The following GABRA4 variants were observed in gnomAD, a reference collection of about 807,000 sequenced individuals.
The protein encoded by GABRA4 is gamma-aminobutyric acid type A receptor subunit alpha4, also known as gamma-aminobutyric acid receptor subunit alpha-4.
GABRA4 carries 12 observed loss-of-function variants against 49.7 expected under a neutral mutation model. That is an observed-to-expected ratio of 0.24 (90% CI 0.15 to 0.39). The LOEUF is 0.39. Among genes scored for constraint, GABRA4 ranks in the 10% least tolerant of loss-of-function variants. GABRA4 has a pLI of 1.00. For synonymous variants in GABRA4, 288 were observed against 240.2 expected, an observed-to-expected ratio of 1.20 and a Z score of -1.84; for missense variants, 506 against 686.0, an observed-to-expected ratio of 0.74 and a Z score of 2.93.
Position 46,978,709 on chromosome 4 carries a change from A to T in GABRA4, c.273+322T>A, listed in dbSNP as rs1373017955. 2.0e-5 allele frequency among the ~76,000 whole-genome samples: 3 copies of T among 148,922 alleles called. No homozygotes were observed. In the South Asian group the frequency reaches 6.3e-4, roughly 31 times the overall value. On this transcript the variant is annotated intron_variant, in intron 3 of 8. Transcript: ENST00000264318. ...TCTCAAAAAAAAAAAAAAAAAAAAA[A>T]AAAAGAAAAAGAAAGAAAGAAAAGA... is the stretch of plus-strand genomic sequence containing the variant.
At chr4:46,936,411 G>A (rs777655695) in intron 8 of GABRA4, among the ~76,000 whole-genome samples, 4 of 152,048 alleles carry the variant, frequency 2.6e-5, no homozygotes, top group Non-Finnish European at 4.4e-5. Context: ...CACCACACCC[G>A]GCTAATTTTG....
At chr4:46,977,250 GGGAAGAAAAGGAAGGAAGGAAGGGAA>G in intron 4 of GABRA4, 107 bp from the exon 5 acceptor site, 1 of 561,486 alleles carries the variant, frequency 1.8e-6, no homozygotes, top group Non-Finnish European at 2.9e-6. Context: ...GAAGAAGGGA[GGGAAGAAAAGGAAGGAAGGAAGGGAA>G]GGAGGAAGGG....
intron 8 of GABRA4, among the ~76,000 whole-genome samples, chr4:46,934,512 C>T (rs1278388373): frequency 6.6e-6 from 1 of 152,052 alleles, no homozygotes; most frequent in Non-Finnish European, 1.5e-5. Context: ...TGCTGAGTTC[C>T]CTATTTATTG....
chr4:46,982,062 CT>C (rs1363597151), intron 2 of GABRA4, among the ~76,000 whole-genome samples: 1 of 152,082 alleles, frequency 6.6e-6, no homozygotes, highest in Non-Finnish European at 1.5e-5. Context: ...ACACCTACCC[CT>C]GAACTCGTAT....
chr4:46,920,195 C>A lies in GABRA4; in HGVS notation c.*8030G>T, dbSNP rs1720932398. ...TTATCAGAGCTTCTTTTACTTCCCT[C>A]TAAGGAAGCTGTTTTCTATGGACTT... On this transcript the variant is annotated 3_prime_UTR_variant, in exon 9 of 9. Coordinates refer to ENST00000264318, the MANE Select transcript of GABRA4 (RefSeq NM_000809.4). 6.6e-6 allele frequency: 1 copy of A among 151,630 alleles called. No individual in the cohort carries two copies. Among genetic ancestry groups the A allele is most frequent in the Admixed American group, 6.6e-5 (1 of 15,200 alleles). 9.4% of individuals were successfully genotyped at this position (151,630 alleles called of 1,614,324 possible).
intron 3 of GABRA4, among the ~76,000 whole-genome samples, chr4:46,978,702 A>AAG (rs1553906016): frequency 2.7e-5 from 4 of 149,822 alleles, no homozygotes; most frequent in Non-Finnish European, 5.9e-5. Context: ...AAAAAAAAAA[A>AAG]AAAAAAAAAA....
At chr4:46,940,760 G>A (rs1394193813) in intron 8 of GABRA4, among the ~76,000 whole-genome samples, 1 of 151,420 alleles carries the variant, frequency 6.6e-6, no homozygotes, top group African/African-American at 2.4e-5. Flanking sequence ...AATTGCTGAA[G>A]CCATTTGGCT....
chr4:46,990,998 G>A (rs1341990268), intron 2 of GABRA4, among the ~76,000 whole-genome samples: 1 of 152,120 alleles, frequency 6.6e-6, no homozygotes, highest in Non-Finnish European at 1.5e-5. Flanking sequence ...GGCCAACATG[G>A]TGAAACCCCA....
chr4:46,986,679 T>C (rs1723552228), intron 2 of GABRA4, among the ~76,000 whole-genome samples: 1 of 152,106 alleles, frequency 6.6e-6, no homozygotes, highest in Non-Finnish European at 1.5e-5. Flanking sequence ...TCATGATCCC[T>C]GAATTTCAGG....
intron 7 of GABRA4, among the ~76,000 whole-genome samples, chr4:46,966,964 G>A (rs1722784541): frequency 6.6e-6 from 1 of 151,740 alleles, no homozygotes; most frequent in East Asian, 1.9e-4. Context: ...AGGGACCTTG[G>A]AACATTTAGG....
In GABRA4 at chr4:46,920,608, T is replaced by C. The variant is rs1414015530; in HGVS notation, c.*7617A>G. On this transcript the variant is annotated 3_prime_UTR_variant, in exon 9 of 9. Coordinates refer to ENST00000264318, the MANE Select transcript of GABRA4 (RefSeq NM_000809.4). ...TCAAATTGTGTAAATCCACATTATC[T>C]CCATATTTTACATTCTATTTTGCTG... The C allele has an allele frequency of 1.3e-5, 2 of 151,724 alleles. No homozygotes were observed. The highest frequency in any genetic ancestry group is 3.0e-5 in the Non-Finnish European group (2 of 67,698). The allele number at this position is 151,724 out of a possible 1,614,324, so 9.4% of individuals were successfully genotyped here.
chr4:46,949,563 G>T (rs1200966064), intron 8 of GABRA4, among the ~76,000 whole-genome samples: 2 of 151,994 alleles, frequency 1.3e-5, no homozygotes, highest in East Asian at 3.9e-4. Context: ...CATTTGCTAG[G>T]AATTTGAAGA....
intron 1 of GABRA4, 85 bp downstream of exon 1, chr4:46,993,254 G>T: frequency 8.7e-7 from 1 of 1,144,064 alleles, no homozygotes; most frequent in Non-Finnish European, 1.3e-6. Context: ...GTCCACCCAG[G>T]GAGGAGCGAG....
In GABRA4 at chr4:46,919,024, A is replaced by G. The variant is rs1720877065; in HGVS notation, c.*9201T>C. The G allele has an allele frequency of 6.6e-6, 1 of 151,636 alleles. No individual in the cohort carries two copies. The highest frequency in any genetic ancestry group is 1.5e-5 in the Non-Finnish European group (1 of 67,604). The allele number at this position is 151,636 out of a possible 1,614,324, so 9.4% of individuals were successfully genotyped here. Reference sequence around the variant, plus strand: ...AACACATTTATCTTAAAATATAAGTATCTGTGATTAAATTTTATAGAAATT... The same window carrying G: ...AACACATTTATCTTAAAATATAAGTGTCTGTGATTAAATTTTATAGAAATT... On this transcript the variant is annotated 3_prime_UTR_variant, in exon 9 of 9. Coordinates refer to ENST00000264318, the MANE Select transcript of GABRA4 (RefSeq NM_000809.4).
rs1314953599 is a variant in GABRA4 at position 46,926,788 on chromosome 4, C to T, written c.*1437G>A. On this transcript the variant is annotated 3_prime_UTR_variant, in exon 9 of 9. Transcript: ENST00000264318. ...TTCTCAAGTAAGTTGTTAAGCCTAC[C>T]TAATGAGAAAGAAGTCAGTAGATGA... The T allele has an allele frequency of 6.6e-6, 1 of 151,884 alleles. No individual in the cohort carries two copies. The highest frequency in any genetic ancestry group is 1.5e-5 in the Non-Finnish European group (1 of 67,884). 9.4% of individuals were successfully genotyped at this position (151,884 alleles called of 1,614,324 possible). A position where few individuals can be genotyped will look rare whatever the true frequency, so the allele number is the denominator to read the frequency against.
At chr4:46,933,762 T>C (rs1333058729) in intron 8 of GABRA4, among the ~76,000 whole-genome samples, 1 of 152,156 alleles carries the variant, frequency 6.6e-6, no homozygotes, top group East Asian at 1.9e-4. Flanking sequence ...TCTATCATGA[T>C]TTAGCTGATG....
intron 8 of GABRA4, among the ~76,000 whole-genome samples, chr4:46,953,056 T>G (rs1034127292): frequency 6.6e-6 from 1 of 152,058 alleles, no homozygotes; most frequent in African/African-American, 2.4e-5. Context: ...AGTGACGGAG[T>G]AAATGGAGAA....
At chr4:46,931,147 T>C (rs906277093) in intron 8 of GABRA4, among the ~76,000 whole-genome samples, 6 of 152,116 alleles carry the variant, frequency 3.9e-5, no homozygotes, top group African/African-American at 1.4e-4. Context: ...GTGAGGTAAC[T>C]ACCCAAGGCT....
intron 8 of GABRA4, among the ~76,000 whole-genome samples, chr4:46,947,410 TAAGTA>T (rs1722018892): frequency 6.6e-6 from 1 of 152,026 alleles, no homozygotes; most frequent in Non-Finnish European, 1.5e-5. Flanking sequence ...GCCTGCGTTC[TAAGTA>T]AAGGTCCAAT....
Sources: gnomAD v4.1 joint callset for allele counts (sites outside exome capture counted in the v4.1 genomes callset) on GRCh38, gnomAD v4.1.1 for gene constraint, MANE v1.5 for transcripts, NCBI Gene and HGNC (gene_info 2026-07-23, HGNC 2026-07-21) for gene names.